Variants in FGF5 observed in about 807,000 individuals in gnomAD.
FGF5 encodes fibroblast growth factor 5, also known as heparin-binding growth factor 5.
FGF5 carries 23 observed loss-of-function variants against 21.8 expected under a neutral mutation model. The ratio of observed to expected loss-of-function variants is 1.05; its 90% CI spans 0.76 to 1.49. The LOEUF (loss-of-function observed/expected upper bound fraction) is 1.49. FGF5 is among the 40% of genes most tolerant of loss of function. The pLI is 0.00. For synonymous variants in FGF5, 158 were observed against 124.0 expected (o/e 1.27, Z -1.82); for missense variants, 352 against 332.9 (o/e 1.06, Z -0.45).
intron 2 of FGF5, among the ~76,000 whole-genome samples, chr4:80,280,543 T>C (rs1202118752): frequency 6.6e-6 from 1 of 152,198 alleles, no homozygotes; most frequent in Non-Finnish European, 1.5e-5. Flanking sequence ...AGTCTAGGAA[T>C]CAGAAGATGC....
chr4:80,283,165 G>T (rs1720604074), intron 2 of FGF5, among the ~76,000 whole-genome samples: 1 of 152,182 alleles, frequency 6.6e-6, no homozygotes, highest in African/African-American at 2.4e-5. Context: ...TAAATTAAAA[G>T]TTAATTAAGA....
At chr4:80,286,289 C>A in intron 2 of FGF5, 36 bp from the exon 3 acceptor site, 2 of 1,434,490 alleles carry the variant, frequency 1.4e-6, no homozygotes, top group Non-Finnish European at 1.9e-6. Context: ...AAAAGATCGC[C>A]ACAACTTAAA....
rs568225888 is a variant in FGF5 at position 80,284,382 on chromosome 4, C to T, written c.460-1943C>T. On this transcript the variant is annotated intron_variant, in intron 2 of 2. Coordinates refer to ENST00000312465, the MANE Select transcript of FGF5 (RefSeq NM_004464.4). ...CTGGGAGATGGAGGTTGCAGTGAGC[C>T]AAGATAATGCCACTGCACTCCAGCC... Among the ~76,000 whole-genome samples, 3 of 152,148 alleles carry T rather than the reference C, an allele frequency of 2.0e-5. No individual in the cohort carries two copies. The South Asian group carries it at 6.2e-4, about 32-fold the overall frequency.
intron 2 of FGF5, among the ~76,000 whole-genome samples, chr4:80,283,787 C>A (rs1184097254): frequency 1.3e-5 from 2 of 150,692 alleles, no homozygotes; most frequent in Non-Finnish European, 3.0e-5. Context: ...AAAAAAAAAA[C>A]CCGAGACAAG....
intron 2 of FGF5, among the ~76,000 whole-genome samples, chr4:80,277,809 G>A (rs1720456066): frequency 6.6e-6 from 1 of 152,026 alleles, no homozygotes; most frequent in African/African-American, 2.4e-5. Flanking sequence ...AGAATTCTGG[G>A]AAAAGTAATC....
intron 1 of FGF5, among the ~76,000 whole-genome samples, chr4:80,271,364 T>C (rs1720267644): frequency 1.3e-5 from 2 of 149,824 alleles, no homozygotes; most frequent in African/African-American, 5.0e-5. Flanking sequence ...CTTGCCTTCT[T>C]CAGCCTAGGT....
chr4:80,276,544 A>G (rs1720416735), intron 2 of FGF5, among the ~76,000 whole-genome samples: 1 of 151,944 alleles, frequency 6.6e-6, no homozygotes, highest in African/African-American at 2.4e-5. Context: ...GTATTTGGTT[A>G]CATGAAAAAG....
intron 1 of FGF5, among the ~76,000 whole-genome samples, chr4:80,273,674 C>A (rs1720332284): frequency 6.6e-6 from 1 of 151,844 alleles, no homozygotes; most frequent in Non-Finnish European, 1.5e-5. Flanking sequence ...TTTTCCATCC[C>A]TTTCCTTCTT....
intron 1 of FGF5, chr4:80,268,519 A>G (rs916837168): frequency 1.0e-6 from 1 of 986,098 alleles, no homozygotes; most frequent in Non-Finnish European, 1.2e-6. Flanking sequence ...GGCGGTCTGA[A>G]GATTTGGCAG....
intron 1 of FGF5, among the ~76,000 whole-genome samples, chr4:80,270,793 T>C (rs1377735316): frequency 6.6e-6 from 1 of 152,144 alleles, no homozygotes. Flanking sequence ...AATATGAAAA[T>C]TCCAAGCACA....
At chr4:80,285,451 T>C (rs934453216) in intron 2 of FGF5, among the ~76,000 whole-genome samples, 2 of 152,214 alleles carry the variant, frequency 1.3e-5, no homozygotes, top group Non-Finnish European at 2.9e-5. Context: ...ACTTGAAGAC[T>C]CAGCTCAAAT....
Position 80,286,588 on chromosome 4 carries a change from C to T in FGF5, c.723C>T (p.Ser241=), listed in dbSNP as rs201887406. ...TTCCTGAAAAGAAAAAGCCACCTAG[C>T]CCTATCAAGCCAAAGATTCCCCTTT... ...VTVPEKKKPP[S]PIKPKIPLSA... The change falls in exon 3 of 3, where the codon AGC becomes AGT. Residue 241 remains serine, a synonymous_variant. Transcript: ENST00000312465. 44 of 1,613,908 alleles carry T rather than the reference C, an allele frequency of 2.7e-5. No individual in the cohort carries two copies. Among genetic ancestry groups the T allele is most frequent in the Non-Finnish European group, 3.6e-5 (43 of 1,179,978 alleles).
chr4:80,272,598 A>T (rs184732544), intron 1 of FGF5, among the ~76,000 whole-genome samples: 29 of 152,232 alleles, frequency 1.9e-4, no homozygotes, highest in Admixed American at 9.8e-4. Context: ...AAACACATAC[A>T]CTTATGAGAC....
At chr4:80,278,433 A>ATG (rs1487104191) in intron 2 of FGF5, among the ~76,000 whole-genome samples, 4 of 152,004 alleles carry the variant, frequency 2.6e-5, no homozygotes, top group African/African-American at 9.7e-5. Flanking sequence ...AGAAGAGGGG[A>ATG]TGTGTCTGCC....
intron 1 of FGF5, among the ~76,000 whole-genome samples, chr4:80,274,464 G>A (rs1720355044): frequency 1.3e-5 from 2 of 152,014 alleles, no homozygotes; most frequent in Non-Finnish European, 2.9e-5. Flanking sequence ...ATGTAAATAA[G>A]TATTATTTTC....
chr4:80,285,995 G>T (rs1173546029), intron 2 of FGF5, among the ~76,000 whole-genome samples: 1 of 152,044 alleles, frequency 6.6e-6, no homozygotes, highest in East Asian at 1.9e-4. Context: ...AAAAAGATTT[G>T]TAACTATACA....
chr4:80,270,658 G>A (rs554513396), intron 1 of FGF5, among the ~76,000 whole-genome samples: 4 of 152,230 alleles, frequency 2.6e-5, no homozygotes, highest in South Asian at 2.1e-4. Flanking sequence ...TAATTTATAC[G>A]CCTTCAAGTT....
At chr4:80,281,274 G>A (rs539491357) in intron 2 of FGF5, among the ~76,000 whole-genome samples, 15 of 152,072 alleles carry the variant, frequency 9.9e-5, no homozygotes, top group Non-Finnish European at 1.6e-4. Flanking sequence ...ATTGGTGGAG[G>A]GAAGGGATGG....
rs1720780846 is a variant in FGF5, at chr4:80,287,880, G to A, written c.*1208G>A. On this transcript the variant is annotated 3_prime_UTR_variant, in exon 3 of 3. Transcript: ENST00000312465. Reference sequence around the variant, plus strand: ...GCCCTTTTATAAGGAAACTTCTGATGTTTATTAAAAAAACTGGCCTTTTGA... The same window carrying A: ...GCCCTTTTATAAGGAAACTTCTGATATTTATTAAAAAAACTGGCCTTTTGA... 6.6e-6 allele frequency: 1 copy of A among 152,026 alleles called. No individual in the cohort carries two copies. The highest frequency in any genetic ancestry group is 2.4e-5 in the African/African-American group (1 of 41,400). 9.4% of individuals were successfully genotyped at this position (152,026 alleles called of 1,614,324 possible). A position where few individuals can be genotyped will look rare whatever the true frequency, so the allele number is the denominator to read the frequency against.
Sources: allele counts gnomAD v4.1 joint callset (sites outside exome capture counted in the v4.1 genomes callset), GRCh38; gene constraint gnomAD v4.1.1; transcripts MANE v1.5; gene names NCBI Gene and HGNC (gene_info 2026-07-23, HGNC 2026-07-21).